KIF18A: variants seen among roughly 807,000 people sequenced by gnomAD.
KIF18A encodes the protein kinesin family member 18A.
KIF18A carries 67 observed loss-of-function variants against 103.3 expected under a neutral mutation model. That is an observed-to-expected ratio of 0.65 (90% CI 0.53 to 0.79). The LOEUF (loss-of-function observed/expected upper bound fraction) is 0.79, where lower values mean the gene tolerates loss of function less well. Ranked by LOEUF, KIF18A falls within the 30% of genes least tolerant of loss-of-function variation. The probability of loss-of-function intolerance (pLI) is 0.00; values close to 1 mark genes in which losing one functional copy is unlikely to be tolerated. For synonymous variants in KIF18A, 367 were observed against 355.5 expected, an observed-to-expected ratio of 1.03 and a Z score of -0.36; for missense variants, 1,032 against 1,062.5, an observed-to-expected ratio of 0.97 and a Z score of 0.40.
chr11:28,098,115 T>C lies in KIF18A; in HGVS notation c.-46-122A>G, dbSNP rs180848557. 10 of 554,004 alleles carry C rather than the reference T, an allele frequency of 1.8e-5. No individual in the cohort carries two copies. The East Asian group carries it at 2.1e-4, about 12-fold the overall frequency. 34.3% of individuals were successfully genotyped at this position (554,004 alleles called of 1,614,324 possible). ...TCTGTTTCACTCACTAGGTAAACACTGGGGGAAAAATACATACATACGTAG... is the reference window on the plus strand; with the variant it reads ...TCTGTTTCACTCACTAGGTAAACACCGGGGGAAAAATACATACATACGTAG... On this transcript the variant is annotated intron_variant, in intron 1 of 16. Coordinates refer to ENST00000263181, the MANE Select transcript of KIF18A (RefSeq NM_031217.4).
intron 13 of KIF18A, among the ~76,000 whole-genome samples, chr11:28,037,380 C>A (rs1156668191): frequency 6.6e-6 from 1 of 151,268 alleles, no homozygotes; most frequent in Middle Eastern, 3.2e-3. Context: ...AACAAATAAA[C>A]CAAAACAATT....
chr11:28,077,822 T>C (rs369474750), intron 9 of KIF18A, among the ~76,000 whole-genome samples: 1 of 152,292 alleles, frequency 6.6e-6, no homozygotes, highest in African/African-American at 2.4e-5. Context: ...GAAAAGCTGC[T>C]GCAGTGTGCT....
At position 28,036,505 on chromosome 11, in the gene KIF18A, A is replaced by G. The variant is rs149371847; in HGVS notation, c.2108T>C (p.Ile703Thr). The G allele has an allele frequency of 3.0e-5, 48 of 1,611,238 alleles. No homozygotes were observed. The highest frequency in any genetic ancestry group is 2.5e-4 in the African/African-American group (19 of 74,710). The change falls in exon 14 of 17, where the codon ATT becomes ACT. Residue 703 changes from isoleucine to threonine, a missense_variant. Coordinates refer to ENST00000263181, the MANE Select transcript of KIF18A (RefSeq NM_031217.4). ...TCTACAGTCTTCTGGTGTATATACA[A>G]TAGGCTGAAGTTCTTTGCTAAGAGA... ...NDSLSKELQP[I>T]VYTPEDCRKA...
At chr11:28,100,611 A>G (rs1217384492) in intron 1 of KIF18A, among the ~76,000 whole-genome samples, 4 of 150,394 alleles carry the variant, frequency 2.7e-5, no homozygotes, top group African/African-American at 9.8e-5. Flanking sequence ...TTTAAATGGG[A>G]GAAATAGCAA....
At chr11:28,094,833 G>T (rs748492356) in intron 2 of KIF18A, 33 bp from the exon 3 acceptor site, 1 of 1,593,920 alleles carries the variant, frequency 6.3e-7, no homozygotes, top group Admixed American at 1.7e-5. Context: ...AAAACTCTTT[G>T]TTATGAAATA....
chr11:28,088,899 A>T (rs563470757), intron 5 of KIF18A, among the ~76,000 whole-genome samples, 178 bp from the exon 6 acceptor site: 2 of 152,360 alleles, frequency 1.3e-5, no homozygotes, highest in African/African-American at 4.8e-5. Context: ...GCTGAGAAAA[A>T]TATAAAAATG....
chr11:28,100,565 G>T (rs573380189), intron 1 of KIF18A, among the ~76,000 whole-genome samples: 49 of 150,832 alleles, frequency 3.2e-4, no homozygotes, highest in African/African-American at 1.2e-3. Context: ...GAGTGAAGGG[G>T]GGGGGTGGTG....
rs779409586 is a variant in KIF18A, at chr11:28,091,456, C to T, written c.541G>A (p.Glu181Lys). The T allele has an allele frequency of 1.9e-6, 3 of 1,611,724 alleles. No homozygotes were observed. The highest frequency in any genetic ancestry group is 1.3e-5 in the African/African-American group (1 of 74,770). The stretch of plus-strand genomic sequence containing the variant: ...ACGACCACCCCTTTTTGGGTATCTT[C>T]CCGGACAGCAAGTGGCCCTGAATTT... ...LVNSGPLAVR[E>K]DTQKGVVVHG... Residue 181 changes from glutamate to lysine, a missense_variant, in exon 4 of 17, where the codon GAA becomes AAA. Glu to Lys is a moderately conservative substitution (Grantham distance 56, BLOSUM62 1). Transcript: ENST00000263181.
intron 3 of KIF18A, 129 bp from the exon 4 acceptor site, chr11:28,091,642 A>G (rs545974796): frequency 2.0e-6 from 1 of 493,554 alleles, no homozygotes; most frequent in Non-Finnish European, 3.6e-6. Flanking sequence ...ACTTTTATTC[A>G]CCTCATACCT....
chr11:28,103,949 A>G (rs1182418562), intron 1 of KIF18A, among the ~76,000 whole-genome samples: 2 of 152,170 alleles, frequency 1.3e-5, no homozygotes, highest in African/African-American at 4.8e-5. Context: ...TTACTTAGCA[A>G]AGCTAATATT....
intron 15 of KIF18A, among the ~76,000 whole-genome samples, chr11:28,034,910 T>TGTTG: frequency 6.6e-6 from 1 of 151,778 alleles, no homozygotes; most frequent in Non-Finnish European, 1.5e-5. Flanking sequence ...TTTTTACAAC[T>TGTTG]GTTCTTGATA....
intron 13 of KIF18A, among the ~76,000 whole-genome samples, chr11:28,044,398 G>T (rs1233554866): frequency 6.6e-6 from 1 of 151,978 alleles, no homozygotes; most frequent in African/African-American, 2.4e-5. Flanking sequence ...TAGTTTTCTG[G>T]AGATAACTAT....
intron 11 of KIF18A, among the ~76,000 whole-genome samples, chr11:28,067,968 A>C (rs980557124): frequency 2.6e-5 from 4 of 152,138 alleles, no homozygotes; most frequent in African/African-American, 4.8e-5. Flanking sequence ...ACATGCACAC[A>C]TATGTTTATT....
intron 13 of KIF18A, among the ~76,000 whole-genome samples, chr11:28,037,550 G>A (rs911083000): frequency 6.6e-6 from 1 of 151,404 alleles, no homozygotes; most frequent in Non-Finnish European, 1.5e-5. Flanking sequence ...TTTGGTATCT[G>A]GGAGGGTTCC....
chr11:28,066,791 ATATTATAT>A (rs1246362008), intron 11 of KIF18A, among the ~76,000 whole-genome samples: 2 of 71,492 alleles, frequency 2.8e-5, no homozygotes, highest in Admixed American at 1.4e-4. Context: ...AAATTATATT[ATATTATAT>A]TATATTATAT....
intron 1 of KIF18A, among the ~76,000 whole-genome samples, chr11:28,098,795 A>C (rs772459189): frequency 2.6e-5 from 4 of 152,078 alleles, no homozygotes; most frequent in Non-Finnish European, 5.9e-5. Flanking sequence ...ATAATTTGGA[A>C]GTCTCAACTA....
At chr11:28,107,582 C>G (rs1348697773) in intron 1 of KIF18A, among the ~76,000 whole-genome samples, 2 of 152,114 alleles carry the variant, frequency 1.3e-5, no homozygotes, top group African/African-American at 2.4e-5. Flanking sequence ...TCCCGATTGA[C>G]CAGTGCAAGA....
At chr11:28,026,788 TG>T (rs1850327703) in intron 15 of KIF18A, among the ~76,000 whole-genome samples, 2 of 151,722 alleles carry the variant, frequency 1.3e-5, no homozygotes, top group African/African-American at 4.8e-5. Flanking sequence ...AATTAATTAA[TG>T]GAACAAATGA....
chr11:28,073,034 A>G (rs1851041159), intron 10 of KIF18A, among the ~76,000 whole-genome samples: 1 of 152,176 alleles, frequency 6.6e-6, no homozygotes, highest in African/African-American at 2.4e-5. Flanking sequence ...TAGATTTTAG[A>G]CTCCTAGCAA....
Sources: allele counts gnomAD v4.1 joint callset (sites outside exome capture counted in the v4.1 genomes callset), GRCh38; gene constraint gnomAD v4.1.1; transcripts MANE v1.5; gene names NCBI Gene and HGNC (gene_info 2026-07-23, HGNC 2026-07-21).